Variants in NUBPL observed in about 807,000 individuals in gnomAD.
NUBPL encodes iron-sulfur cluster transfer protein NUBPL.
Under a neutral mutation model 45.7 loss-of-function variants are expected in NUBPL, and 31 were observed. That is an observed-to-expected ratio of 0.68 (90% CI 0.51 to 0.92). The LOEUF is 0.92. Among genes scored for constraint, NUBPL ranks in the 40% least tolerant of loss-of-function variants. The pLI, the probability that NUBPL is intolerant of heterozygous loss-of-function variation, is 0.00. For missense variants in NUBPL, 401 were observed against 398.7 expected (o/e 1.01, Z -0.05); for synonymous variants, 144 against 140.9 (o/e 1.02, Z -0.15).
chr14:31,803,758 A>C (rs535019765), intron 7 of NUBPL, among the ~76,000 whole-genome samples: 20 of 152,334 alleles, frequency 1.3e-4, no homozygotes, highest in Non-Finnish European at 2.9e-4. Context: ...TTGTTACACA[A>C]ATTGTAACCA....
At chr14:31,621,345 T>G (rs965152748) in intron 4 of NUBPL, among the ~76,000 whole-genome samples, 1 of 152,072 alleles carries the variant, frequency 6.6e-6, no homozygotes, top group African/African-American at 2.4e-5. Flanking sequence ...AATAAACTGC[T>G]CCAGGTAGCT....
chr14:31,638,851 A>G (rs1165109406), intron 4 of NUBPL, among the ~76,000 whole-genome samples: 1 of 152,046 alleles, frequency 6.6e-6, no homozygotes, highest in Non-Finnish European at 1.5e-5. Context: ...TCCATCACTG[A>G]TACCCTTTCT....
At position 31,647,003 on chromosome 14, in the gene NUBPL, T is replaced by A. The variant is rs184534225; in HGVS notation, c.383-26352T>A. On this transcript the variant is annotated intron_variant, in intron 4 of 10. Transcript: ENST00000281081. ...TCTGCTGCTGACTACTTCTAATGAA[T>A]TTTTCACTTCAGCAAACATATTTCT... Among the ~76,000 whole-genome samples, 5 of 152,308 alleles carry A rather than the reference T, an allele frequency of 3.3e-5. No individual in the cohort carries two copies. In the East Asian group the frequency reaches 9.6e-4, roughly 29 times the overall value.
chr14:31,616,486 A>C (rs71417966), intron 4 of NUBPL, among the ~76,000 whole-genome samples: 44,818 of 126,980 alleles, frequency 0.35, 7,482 homozygotes, highest in South Asian at 0.54. Context: ...CTTTCTGCAT[A>C]TGGCTAGCCA....
intron 6 of NUBPL, among the ~76,000 whole-genome samples, chr14:31,774,999 A>T (rs1284890844): frequency 6.6e-6 from 1 of 152,214 alleles, no homozygotes; most frequent in Non-Finnish European, 1.5e-5. Flanking sequence ...GGATTTTAGG[A>T]TTTATGTCAG....
intron 7 of NUBPL, among the ~76,000 whole-genome samples, chr14:31,806,295 C>T (rs2039684274): frequency 6.6e-6 from 1 of 152,028 alleles, no homozygotes; most frequent in South Asian, 2.1e-4. Flanking sequence ...CAGCAGTTCT[C>T]CTCTCTGGAG....
rs543526817 is a variant in NUBPL, at chr14:31,603,287, A to G, written c.382+3908A>G. Among the ~76,000 whole-genome samples the G allele has an allele frequency of 1.3e-4, 20 of 150,164 alleles. No individual in the cohort carries two copies. The East Asian group carries it at 1.9e-3, about 15-fold the overall frequency. On this transcript the variant is annotated intron_variant, in intron 4 of 10. Coordinates refer to ENST00000281081, the MANE Select transcript of NUBPL (RefSeq NM_025152.3). The stretch of plus-strand genomic sequence containing the variant: ...TGTACTCCAGCCTGGATGACAAAGC[A>G]AGATCCTGTCTGAAAAAAAAAAAAA...
At chr14:31,788,190 C>T (rs1465759207) in intron 7 of NUBPL, among the ~76,000 whole-genome samples, 4 of 152,110 alleles carry the variant, frequency 2.6e-5, no homozygotes, top group African/African-American at 9.7e-5. Context: ...AAGAAAGGAG[C>T]AGGCTGGAAA....
chr14:31,575,846 T>C (rs2033703273), intron 3 of NUBPL, among the ~76,000 whole-genome samples: 1 of 152,212 alleles, frequency 6.6e-6, no homozygotes, highest in Non-Finnish European at 1.5e-5. Flanking sequence ...AGTATAGTTA[T>C]TTTAAAGCTA....
intron 3 of NUBPL, among the ~76,000 whole-genome samples, chr14:31,575,138 A>G (rs1282429622): frequency 6.6e-6 from 1 of 152,140 alleles, no homozygotes; most frequent in East Asian, 1.9e-4. Context: ...GCAAATTATT[A>G]TGAGTGGTTC....
At chr14:31,571,048 A>C (rs1189005953) in intron 3 of NUBPL, among the ~76,000 whole-genome samples, 1 of 152,178 alleles carries the variant, frequency 6.6e-6, no homozygotes, top group East Asian at 1.9e-4. Flanking sequence ...ATTCTTCTAA[A>C]TGGCTTCTAT....
Position 31,634,504 on chromosome 14 carries a change from T to G in NUBPL, c.382+35125T>G, listed in dbSNP as rs1488983145. On this transcript the variant is annotated intron_variant, in intron 4 of 10. Coordinates refer to ENST00000281081, the MANE Select transcript of NUBPL (RefSeq NM_025152.3). ...AGTCTATCATTGTTGGACATTTGGG[T>G]TGGTTCCAAGTCTTTGCTATTGTGA... Among the ~76,000 whole-genome samples, 3 of 152,070 alleles carry G rather than the reference T, an allele frequency of 2.0e-5. No homozygotes were observed. The East Asian group carries it at 5.8e-4, about 29-fold the overall frequency.
At chr14:31,616,653 C>T (rs1490575076) in intron 4 of NUBPL, among the ~76,000 whole-genome samples, 1 of 152,120 alleles carries the variant, frequency 6.6e-6, no homozygotes, top group Non-Finnish European at 1.5e-5. Context: ...GTAGCAGTAC[C>T]AAGCTGTTTT....
intron 7 of NUBPL, among the ~76,000 whole-genome samples, chr14:31,808,321 C>T (rs1349631562): frequency 1.3e-5 from 2 of 152,116 alleles, no homozygotes; most frequent in African/African-American, 4.8e-5. Flanking sequence ...TGTAGTTCTC[C>T]TTGAAGAGGT....
rs1205463679 is a variant in NUBPL at position 31,669,801 on chromosome 14, TTTTTTTTG to T, written c.383-3546_383-3539del. On this transcript the variant is annotated intron_variant, in intron 4 of 10. Coordinates refer to ENST00000281081, the MANE Select transcript of NUBPL (RefSeq NM_025152.3). ...CCTGCAAAAGACATGATCTTGGTTTTTTTTTTTGTTTTTTTTTTTTTACGGCTGCCTAG... is the reference window on the plus strand; with the variant it reads ...CCTGCAAAAGACATGATCTTGGTTTTTTTTTTTTTTTTTACGGCTGCCTAG... Among the ~76,000 whole-genome samples, 512 of 57,262 alleles carry T rather than the reference TTTTTTTTG, an allele frequency of 8.9e-3. 12 individuals carry two copies. The highest frequency in any genetic ancestry group is 0.031 in the South Asian group (50 of 1,606). The allele number at this position is 57,262 out of a possible 152,430, so 37.6% of individuals were successfully genotyped here. A position where few individuals can be genotyped will look rare whatever the true frequency, so the allele number is the denominator to read the frequency against.
intron 4 of NUBPL, among the ~76,000 whole-genome samples, chr14:31,669,064 T>C (rs572416839): frequency 8.0e-4 from 122 of 152,364 alleles, no homozygotes; most frequent in Admixed American, 2.0e-3. Context: ...GGTCTCACTA[T>C]GTTACTCAGG....
intron 6 of NUBPL, among the ~76,000 whole-genome samples, chr14:31,761,560 A>T (rs140907562): frequency 1.5e-4 from 23 of 152,238 alleles, no homozygotes; most frequent in African/African-American, 5.3e-4. Flanking sequence ...AGGTACATAC[A>T]TGTATGTGTG....
intron 6 of NUBPL, among the ~76,000 whole-genome samples, chr14:31,752,602 G>A (rs1254112308): frequency 6.6e-6 from 1 of 152,134 alleles, no homozygotes; most frequent in Non-Finnish European, 1.5e-5. Context: ...CATTCAACAA[G>A]TCTCTAAGAT....
chr14:31,753,317 A>G (rs113933613), intron 6 of NUBPL, among the ~76,000 whole-genome samples: 1 of 152,032 alleles, frequency 6.6e-6, no homozygotes, highest in South Asian at 2.1e-4. Flanking sequence ...TATGCAGCCT[A>G]TGGTGGCACT....
Sources: gnomAD v4.1 joint callset for allele counts (sites outside exome capture counted in the v4.1 genomes callset) on GRCh38, gnomAD v4.1.1 for gene constraint, MANE v1.5 for transcripts, NCBI Gene and HGNC (gene_info 2026-07-23, HGNC 2026-07-21) for gene names.